ZRANB3: variants seen among roughly 807,000 people sequenced by gnomAD.
ZRANB3 encodes zinc finger RANBP2-type containing 3.
ZRANB3 carries 125 observed loss-of-function variants against 133.8 expected under a neutral mutation model. The observed-to-expected ratio is 0.93, with a 90% CI of 0.81 to 1.08. The LOEUF is 1.08. Ranked by LOEUF, ZRANB3 falls within the 50% of genes least tolerant of loss-of-function variation. The pLI, the probability that ZRANB3 is intolerant of heterozygous loss-of-function variation, is 0.00. For missense variants in ZRANB3, 1,229 were observed against 1,275.5 expected (o/e 0.96, Z 0.56); for synonymous variants, 387 against 432.7 (o/e 0.89, Z 1.31).
chr2:135,275,335 A>G (rs28657796), intron 9 of ZRANB3, among the ~76,000 whole-genome samples: 38,305 of 93,142 alleles, frequency 0.41, 7,809 homozygotes, highest in African/African-American at 0.64. Flanking sequence ...GTGGCTGGCC[A>G]GGCGGGGGCT....
intron 2 of ZRANB3, among the ~76,000 whole-genome samples, chr2:135,429,100 T>C (rs1363127919): frequency 6.6e-6 from 1 of 152,170 alleles, no homozygotes. Context: ...TTCATCACAG[T>C]GCTACTCACA....
In ZRANB3 at chr2:135,520,388, C is replaced by T. The variant is rs181437363; in HGVS notation, c.-8+10739G>A. Among the ~76,000 whole-genome samples the T allele has an allele frequency of 3.2e-3, 482 of 151,166 alleles. 2 individuals carry two copies. Among genetic ancestry groups the T allele is most frequent in the Middle Eastern group, 0.01 (3 of 294 alleles). Reference sequence around the variant, plus strand: ...CCAGCCTGGGTGACAGAGTAAGACTCCACCTCAAAGAGAAAAAAGGATTTC... The same window carrying T: ...CCAGCCTGGGTGACAGAGTAAGACTTCACCTCAAAGAGAAAAAAGGATTTC... On this transcript the variant is annotated intron_variant, in intron 1 of 20. Coordinates refer to ENST00000264159, the MANE Select transcript of ZRANB3 (RefSeq NM_032143.4).
intron 3 of ZRANB3, among the ~76,000 whole-genome samples, chr2:135,357,887 A>C (rs1214539488): frequency 6.6e-6 from 1 of 152,182 alleles, no homozygotes; most frequent in Non-Finnish European, 1.5e-5. Context: ...TCTTCTCCCA[A>C]GAGGGGTTAG....
At chr2:135,256,748 T>G (rs1041575192) in intron 12 of ZRANB3, among the ~76,000 whole-genome samples, 6 of 152,170 alleles carry the variant, frequency 3.9e-5, no homozygotes, top group Non-Finnish European at 8.8e-5. Flanking sequence ...TGGGCTGCAT[T>G]TCAAGGATGT....
intron 12 of ZRANB3, among the ~76,000 whole-genome samples, chr2:135,237,974 A>G (rs1024797981): frequency 1.3e-5 from 2 of 152,240 alleles, no homozygotes; most frequent in Non-Finnish European, 2.9e-5. Context: ...CCTGTTAATT[A>G]GGACAGCTTC....
intron 6 of ZRANB3, among the ~76,000 whole-genome samples, chr2:135,340,256 C>T (rs1684579535): frequency 6.6e-6 from 1 of 151,834 alleles, no homozygotes; most frequent in South Asian, 2.1e-4. Flanking sequence ...CAGGTGCCCG[C>T]CACCACGCCC....
At chr2:135,416,119 A>C (rs1441946959) in intron 2 of ZRANB3, among the ~76,000 whole-genome samples, 2 of 151,988 alleles carry the variant, frequency 1.3e-5, no homozygotes, top group Admixed American at 1.3e-4. Context: ...GCAATGAGGC[A>C]GGAGAAGGAA....
intron 12 of ZRANB3, among the ~76,000 whole-genome samples, chr2:135,263,931 ACGCC>A (rs975722000): frequency 6.6e-6 from 1 of 150,660 alleles, no homozygotes; most frequent in African/African-American, 2.4e-5. Flanking sequence ...ATGTGCCATG[ACGCC>A]CGGCTAATTT....
chr2:135,399,289 TGAATTATA>T (rs1383641220), intron 2 of ZRANB3, among the ~76,000 whole-genome samples: 1 of 152,218 alleles, frequency 6.6e-6, no homozygotes, highest in Admixed American at 6.5e-5. Flanking sequence ...TAAGCATATG[TGAATTATA>T]GATCAGAAAT....
At chr2:135,384,103 T>C (rs1299953298) in intron 3 of ZRANB3, among the ~76,000 whole-genome samples, 1 of 152,028 alleles carries the variant, frequency 6.6e-6, no homozygotes, top group Non-Finnish European at 1.5e-5. Context: ...CTGGCAAGAC[T>C]AATAAAGAAG....
chr2:135,420,091 T>TTTTATATATATATATATA (rs1176174180), intron 2 of ZRANB3, among the ~76,000 whole-genome samples: 1 of 72,484 alleles, frequency 1.4e-5, no homozygotes. Flanking sequence ...TATCTTAGAT[T>TTTTATATATATATATATA]TATATATATA....
chr2:135,265,655 C>T lies in ZRANB3; in HGVS notation c.1418G>A (p.Arg473Lys). Residue 473 changes from arginine to lysine, a missense_variant, in exon 12 of 21, where the codon AGG becomes AAG. Physicochemically the swap from Arg to Lys is conservative, Grantham distance 26 (BLOSUM62 2). Coordinates refer to ENST00000264159, the MANE Select transcript of ZRANB3 (RefSeq NM_032143.4). ...AQVTGSTLNG[R>K]KEKIQAEEGD... ...TTCCTCAGCCTGAATTTTTTCTTTCCTACCGTTCAGTGTGCTCCCTGTAAC... is the reference window on the plus strand; with the variant it reads ...TTCCTCAGCCTGAATTTTTTCTTTCTTACCGTTCAGTGTGCTCCCTGTAAC... The T allele has an allele frequency of 6.2e-7, 1 of 1,613,584 alleles. No individual in the cohort carries two copies. Among genetic ancestry groups the T allele is most frequent in the Non-Finnish European group, 8.5e-7 (1 of 1,179,750 alleles).
intron 2 of ZRANB3, among the ~76,000 whole-genome samples, chr2:135,491,951 A>G (rs1391206745): frequency 6.6e-6 from 1 of 152,246 alleles, no homozygotes; most frequent in Non-Finnish European, 1.5e-5. Flanking sequence ...GTCACTGCAT[A>G]TAACTGGGAA....
intron 2 of ZRANB3, among the ~76,000 whole-genome samples, chr2:135,470,804 C>CTT (rs1433904778): frequency 5.0e-5 from 7 of 138,776 alleles, no homozygotes; most frequent in Non-Finnish European, 6.3e-5. Flanking sequence ...AAATTTCTTT[C>CTT]TTTTTTTTTT....
chr2:135,264,387 G>A (rs945992107), intron 12 of ZRANB3, among the ~76,000 whole-genome samples: 2 of 149,878 alleles, frequency 1.3e-5, no homozygotes, highest in Non-Finnish European at 3.0e-5. Context: ...CAGGAGAATC[G>A]CTTGAACCCG....
chr2:135,473,658 T>C (rs953672081), intron 2 of ZRANB3, among the ~76,000 whole-genome samples: 3 of 152,224 alleles, frequency 2.0e-5, no homozygotes, highest in African/African-American at 7.2e-5. Context: ...CACAGAATTA[T>C]TCTGGTGCCT....
intron 15 of ZRANB3, among the ~76,000 whole-genome samples, chr2:135,221,360 G>A (rs1694547380): frequency 6.6e-6 from 1 of 152,076 alleles, no homozygotes; most frequent in Non-Finnish European, 1.5e-5. Context: ...ATGTCAAGAA[G>A]AAGCAGGCTA....
intron 3 of ZRANB3, among the ~76,000 whole-genome samples, chr2:135,383,526 A>T (rs1686822067): frequency 6.6e-6 from 1 of 152,186 alleles, no homozygotes; most frequent in African/African-American, 2.4e-5. Flanking sequence ...TCTCCACCCC[A>T]AATCAACAGA....
rs778554178 is a variant in ZRANB3 at position 135,504,425 on chromosome 2, G to C, written c.65C>G (p.Ser22Cys). 34 of 1,613,470 alleles carry C rather than the reference G, an allele frequency of 2.1e-5. No homozygotes were observed. The highest frequency in any genetic ancestry group is 2.9e-5 in the Non-Finnish European group (34 of 1,179,724). The change falls in exon 2 of 21, where the codon TCT becomes TGT. Residue 22 changes from serine to cysteine, a missense_variant. Physicochemically the swap from Ser to Cys is moderately radical, Grantham distance 112 (BLOSUM62 -1). Coordinates refer to ENST00000264159, the MANE Select transcript of ZRANB3 (RefSeq NM_032143.4). ...AGGCAAAAAATCCAGCAGATTATCA[G>C]ATTCATTTGTCACACAAGAAATGTG... ...TPHISCVTNE[S>C]DNLLDFLPDR...
Sources: gnomAD v4.1 joint callset for allele counts (sites outside exome capture counted in the v4.1 genomes callset) on GRCh38, gnomAD v4.1.1 for gene constraint, MANE v1.5 for transcripts, NCBI Gene and HGNC (gene_info 2026-07-23, HGNC 2026-07-21) for gene names.